The following ZCCHC9 variants were observed in gnomAD, a reference collection of about 807,000 sequenced individuals.
The protein encoded by ZCCHC9 is zinc finger CCHC-type containing 9, also known as zinc finger CCHC domain-containing protein 9.
In ZCCHC9, 18 loss-of-function variants were observed where a neutral mutation model predicts 30.8. That is an observed-to-expected ratio of 0.58 (90% CI 0.40 to 0.87). The LOEUF (loss-of-function observed/expected upper bound fraction) is 0.87. Ranked by LOEUF, ZCCHC9 falls within the 40% of genes least tolerant of loss-of-function variation. ZCCHC9 has a pLI of 0.00. For missense variants in ZCCHC9, 279 were observed against 331.2 expected (o/e 0.84, Z 1.22); for synonymous variants, 94 against 106.7 (o/e 0.88, Z 0.73).
chr5:81,311,110 G>C, intron 4 of ZCCHC9, 101 bp from the exon 5 acceptor site: 6 of 1,177,808 alleles, frequency 5.1e-6, no homozygotes, highest in Non-Finnish European at 7.6e-6. Flanking sequence ...CTTTACAACT[G>C]ACAGGGTTGT....
chr5:81,304,119 A>G (rs1448654691), intron 1 of ZCCHC9: 1 of 152,276 alleles, frequency 6.6e-6, no homozygotes, highest in African/African-American at 2.4e-5. Context: ...TAATTTAAAT[A>G]GAATTGAAGA....
intron 2 of ZCCHC9, among the ~76,000 whole-genome samples, chr5:81,307,994 C>CAAAAA (rs11322486): frequency 3.3e-5 from 1 of 30,300 alleles, no homozygotes; most frequent in African/African-American, 1.4e-4. Context: ...GACTCCGTCT[C>CAAAAA]AAAAAAAAAA....
At chr5:81,311,131 T>C (rs1309431570) in intron 4 of ZCCHC9, 80 bp from the exon 5 acceptor site, 3 of 1,415,642 alleles carry the variant, frequency 2.1e-6, no homozygotes, top group Non-Finnish European at 3.0e-6. Context: ...GAGGATCCAG[T>C]AAGATGTGAA....
At chr5:81,308,903 C>T (rs1164480439) in intron 3 of ZCCHC9, 43 bp from the exon 4 acceptor site, 37 of 1,523,138 alleles carry the variant, frequency 2.4e-5, no homozygotes, top group Non-Finnish European at 2.9e-5. Context: ...TTATGACTTG[C>T]CATATGTATT....
Position 81,301,695 on chromosome 5 carries a change from T to G in ZCCHC9, c.-21T>G, listed in dbSNP as rs117879710. ...GGTAAGAAGCTGCGCGGTAGCGCGG[T>G]GAGGTGAGGTTCTCAGCCACCAAAG... On this transcript the variant is annotated 5_prime_UTR_variant, in exon 1 of 6. It removes the in-frame stop codon of an upstream open reading frame in the 5' UTR. Transcript: ENST00000407610. 3.3e-5 allele frequency: 5 copies of G among 152,532 alleles called. No homozygotes were observed. In the East Asian group the frequency reaches 9.7e-4, roughly 30 times the overall value. 9.4% of individuals were successfully genotyped at this position (152,532 alleles called of 1,614,324 possible). A position where few individuals can be genotyped will look rare whatever the true frequency, so the allele number is the denominator to read the frequency against.
chr5:81,305,778 A>G (rs1196257722), intron 2 of ZCCHC9, among the ~76,000 whole-genome samples: 1 of 152,116 alleles, frequency 6.6e-6, no homozygotes, highest in Non-Finnish European at 1.5e-5. Flanking sequence ...ACCAAAACCT[A>G]TCCTCACCTT....
Position 81,312,532 on chromosome 5 carries a change from A to G in ZCCHC9, c.698-12A>G. The G allele has an allele frequency of 6.3e-7, 1 of 1,598,498 alleles. No homozygotes were observed. Among genetic ancestry groups the G allele is most frequent in the Non-Finnish European group, 8.5e-7 (1 of 1,170,000 alleles). ...GTTTTTCTAACATTCTGATTTTTCT[A>G]TTCCTTTACAGAGCGAATGGTCACA... On this transcript the variant is annotated splice_polypyrimidine_tract_variant and intron_variant, in intron 5 of 5. Coordinates refer to ENST00000407610, the MANE Select transcript of ZCCHC9 (RefSeq NM_001131035.2).
At chr5:81,310,291 T>A (rs935772857) in intron 4 of ZCCHC9, among the ~76,000 whole-genome samples, 1 of 152,156 alleles carries the variant, frequency 6.6e-6, no homozygotes, top group Non-Finnish European at 1.5e-5. Flanking sequence ...AGGGGCTTTC[T>A]GCGATTTGTT....
At chr5:81,306,441 G>A (rs545256676) in intron 2 of ZCCHC9, among the ~76,000 whole-genome samples, 13 of 152,218 alleles carry the variant, frequency 8.5e-5, no homozygotes, top group Admixed American at 2.0e-4. Flanking sequence ...GTAAGTTAAC[G>A]ATTTTTAAAT....
chr5:81,302,040 A>T (rs1020382224), intron 1 of ZCCHC9: 1 of 152,250 alleles, frequency 6.6e-6, no homozygotes, highest in Non-Finnish European at 1.5e-5. Flanking sequence ...CATAAACTTC[A>T]GCGAAGAGTG....
intron 2 of ZCCHC9, among the ~76,000 whole-genome samples, chr5:81,307,938 T>G (rs11743849): frequency 0.089 from 12,065 of 135,166 alleles, 570 homozygotes; most frequent in Middle Eastern, 0.23. Flanking sequence ...AAGTTTTCAG[T>G]GAGCTGAGAT....
chr5:81,307,185 C>A (rs1056581557), intron 2 of ZCCHC9, among the ~76,000 whole-genome samples: 1 of 152,130 alleles, frequency 6.6e-6, no homozygotes, highest in African/African-American at 2.4e-5. Flanking sequence ...GTTTAAATAT[C>A]TGCCATCTTT....
chr5:81,310,157 TAAAAAAAAAA>T (rs71000814), intron 4 of ZCCHC9, among the ~76,000 whole-genome samples: 2 of 104,776 alleles, frequency 1.9e-5, no homozygotes, highest in African/African-American at 8.1e-5. Context: ...TGACTAGCTG[TAAAAAAAAAA>T]AAAAAAAAAA....
At chr5:81,307,610 G>A (rs935483378) in intron 2 of ZCCHC9, among the ~76,000 whole-genome samples, 1 of 151,934 alleles carries the variant, frequency 6.6e-6, no homozygotes, top group Non-Finnish European at 1.5e-5. Context: ...CCGAGATCAC[G>A]CCACTGCACT....
At position 81,301,614 on chromosome 5, in the gene ZCCHC9, C is replaced by G. The variant is rs1365093718; in HGVS notation, c.-102C>G. On this transcript the variant is annotated 5_prime_UTR_variant, in exon 1 of 6. Coordinates refer to ENST00000407610, the MANE Select transcript of ZCCHC9 (RefSeq NM_001131035.2). ...TATGTGCTTCCGGTCTCCAATACCG[C>G]AGGAGGGCGGTCTTCCCCGGCTCGC... is the stretch of plus-strand genomic sequence containing the variant. The G allele has an allele frequency of 6.6e-6, 1 of 152,432 alleles. No individual in the cohort carries two copies. The highest frequency in any genetic ancestry group is 1.9e-4 in the East Asian group (1 of 5,190). The allele number at this position is 152,432 out of a possible 1,614,324, so 9.4% of individuals were successfully genotyped here. A position where few individuals can be genotyped will look rare whatever the true frequency, so the allele number is the denominator to read the frequency against.
intron 1 of ZCCHC9, 99 bp from the exon 2 acceptor site, chr5:81,304,642 T>G (rs1306545205): frequency 8.9e-6 from 9 of 1,005,722 alleles, no homozygotes; most frequent in Non-Finnish European, 1.3e-5. Context: ...GTTTAACATA[T>G]GGGCATATGT....
At chr5:81,306,446 T>G (rs760480883) in intron 2 of ZCCHC9, among the ~76,000 whole-genome samples, 103 of 152,226 alleles carry the variant, frequency 6.8e-4, no homozygotes, top group Non-Finnish European at 1.0e-3. Flanking sequence ...TTAACGATTT[T>G]TAAATATTTT....
At chr5:81,311,074 C>A (rs1758267592) in intron 4 of ZCCHC9, 137 bp from the exon 5 acceptor site, 2 of 807,644 alleles carry the variant, frequency 2.5e-6, no homozygotes, top group Non-Finnish European at 4.2e-6. Flanking sequence ...AATAGTGGCA[C>A]CTCCCTATGA....
At position 81,312,588 on chromosome 5, in the gene ZCCHC9, G is replaced by A; in HGVS notation, c.742G>A (p.Asp248Asn). 1.2e-6 allele frequency: 2 copies of A among 1,613,958 alleles called. No individual in the cohort carries two copies. The highest frequency in any genetic ancestry group is 1.7e-6 in the Non-Finnish European group (2 of 1,179,866). The change falls in exon 6 of 6, where the codon GAC becomes AAC. Residue 248 changes from aspartate (D) to asparagine (N), a missense_variant. By Grantham distance (23) the Asp-to-Asn change is conservative. Coordinates refer to ENST00000407610, the MANE Select transcript of ZCCHC9 (RefSeq NM_001131035.2). ...TCGCTGGGCAAAGGGAATGAGTGCA[G>A]ACTATGAAGAAATTTTGGATGTACC... is the stretch of plus-strand genomic sequence containing the variant. Reference protein sequence around the residue: ...VGRWAKGMSADYEEILDVPKP... With the variant: ...VGRWAKGMSANYEEILDVPKP...
Sources: gnomAD v4.1 joint callset for allele counts (sites outside exome capture counted in the v4.1 genomes callset) on GRCh38, gnomAD v4.1.1 for gene constraint, MANE v1.5 for transcripts, NCBI Gene and HGNC (gene_info 2026-07-23, HGNC 2026-07-21) for gene names.